NLGN4X: variants seen among roughly 807,000 people sequenced by gnomAD.
The protein encoded by NLGN4X is neuroligin 4 X-linked, also known as neuroligin-4, X-linked.
In NLGN4X, 3 loss-of-function variants were observed where a neutral mutation model predicts 40.3. The observed-to-expected ratio is 0.07, with a 90% CI of 0.03 to 0.19. NLGN4X has a LOEUF of 0.19. Among genes scored for constraint, NLGN4X ranks in the 10% least tolerant of loss-of-function variants. The probability of loss-of-function intolerance (pLI) is 1.00; values close to 1 mark genes in which losing one functional copy is unlikely to be tolerated. For missense variants in NLGN4X, 382 were observed against 708.3 expected (o/e 0.54, Z 5.23); for synonymous variants, 270 against 306.8 (o/e 0.88, Z 1.25).
intron 3 of NLGN4X, among the ~76,000 whole-genome samples, chrX:5,931,225 C>A (rs2033534547): frequency 9.0e-6 from 1 of 111,669 alleles, no homozygotes; most frequent in Admixed American, 9.6e-5. Flanking sequence ...TTCTAATATA[C>A]CCTTCATTGT....
intron 1 of NLGN4X, among the ~76,000 whole-genome samples, chrX:6,218,796 G>A (rs1378249166): frequency 1.8e-5 from 2 of 111,370 alleles, no homozygotes; most frequent in African/African-American, 3.3e-5. Flanking sequence ...CACTCTTGTG[G>A]TTAATTTGGT....
chrX:6,192,643 G>A lies in NLGN4X; in HGVS notation c.-306+35898C>T, dbSNP rs775358614. Reference sequence around the variant, plus strand: ...GGCCCAGGGGTTACAAGGAGAGCATGCAAACAGAATGAAGGGGCCTGCGTA... The same window carrying A: ...GGCCCAGGGGTTACAAGGAGAGCATACAAACAGAATGAAGGGGCCTGCGTA... On this transcript the variant is annotated intron_variant, in intron 1 of 5. Transcript: ENST00000381095. 3.4e-4 allele frequency among the ~76,000 whole-genome samples: 38 copies of A among 111,670 alleles called. 1 individual carries two copies. In the South Asian group the frequency reaches 0.014, roughly 41 times the overall value.
chrX:5,891,579 T>C lies in NLGN4X; in HGVS notation c.*1238A>G, dbSNP rs186141923. The C allele has an allele frequency of 6.9e-4, 176 of 254,800 alleles. No homozygotes were observed. Among genetic ancestry groups the C allele is most frequent in the African/African-American group, 3.9e-3 (134 of 34,117 alleles). The allele number at this position is 254,800 out of a possible 1,213,427, so 21.0% of individuals were successfully genotyped here. On this transcript the variant is annotated 3_prime_UTR_variant, in exon 6 of 6. Coordinates refer to ENST00000381095, the MANE Select transcript of NLGN4X (RefSeq NM_181332.3). Reference sequence around the variant, plus strand: ...AGAGCCGTATTTACTCCAAGGGGCATAGCCCCACCAAAGGCAAGCTTTCTT... The same window carrying C: ...AGAGCCGTATTTACTCCAAGGGGCACAGCCCCACCAAAGGCAAGCTTTCTT...
intron 1 of NLGN4X, among the ~76,000 whole-genome samples, chrX:6,172,411 G>A (rs963011659): frequency 2.7e-5 from 3 of 111,702 alleles, no homozygotes; most frequent in African/African-American, 9.8e-5. Context: ...CAGATTCCTA[G>A]AGTCTCCATA....
In NLGN4X at chrX:6,116,019, C is replaced by T. The variant is rs953489843; in HGVS notation, c.472+34976G>A. Among the ~76,000 whole-genome samples, 38 of 109,764 alleles carry T rather than the reference C, an allele frequency of 3.5e-4. 1 individual carries two copies. Among genetic ancestry groups the T allele is most frequent in the Admixed American group, 2.0e-4 (2 of 10,248 alleles). On this transcript the variant is annotated intron_variant, in intron 2 of 5. Transcript: ENST00000381095. ...TAATAAAGAACTGAATGAGGCTGGGCGCGGTGGCTCATGTCTGTAATCCCA... is the reference window on the plus strand; with the variant it reads ...TAATAAAGAACTGAATGAGGCTGGGTGCGGTGGCTCATGTCTGTAATCCCA...
At chrX:5,999,054 G>C (rs747494830) in intron 3 of NLGN4X, among the ~76,000 whole-genome samples, 1 of 111,673 alleles carries the variant, frequency 9.0e-6, no homozygotes, top group South Asian at 3.8e-4. Flanking sequence ...TTGTTGTAGA[G>C]GAAGCTTCTG....
At chrX:6,073,122 T>C (rs1167054223) in intron 2 of NLGN4X, among the ~76,000 whole-genome samples, 37 of 112,295 alleles carry the variant, frequency 3.3e-4, no homozygotes, top group Non-Finnish European at 1.9e-5. Context: ...TAAAGTGGCA[T>C]GTCTTTCATG....
At chrX:6,123,817 A>G (rs1321233186) in intron 2 of NLGN4X, among the ~76,000 whole-genome samples, 2 of 104,316 alleles carry the variant, frequency 1.9e-5, no homozygotes, top group Non-Finnish European at 3.9e-5. Flanking sequence ...AAAATTATAT[A>G]ATGGAAGTCA....
chrX:6,197,445 A>ATTTTTTTTTTTTTTT (rs1430016429), intron 1 of NLGN4X, among the ~76,000 whole-genome samples: 4 of 86,700 alleles, frequency 4.6e-5, no homozygotes, highest in Admixed American at 1.3e-4. Context: ...TTTTTTTTGT[A>ATTTTTTTTTTTTTTT]TTTTTTATAG....
intron 1 of NLGN4X, among the ~76,000 whole-genome samples, chrX:6,174,088 CAAA>C (rs199691778): frequency 9.2e-6 from 1 of 108,145 alleles, no homozygotes; most frequent in Non-Finnish European, 1.9e-5. Context: ...AAACAAAAAA[CAAA>C]AAAAAACTGT....
rs5961891 is a variant in NLGN4X at position 5,933,144 on chromosome X, G to A, written c.626-23905C>T. On this transcript the variant is annotated intron_variant, in intron 3 of 5. Transcript: ENST00000381095. The stretch of plus-strand genomic sequence containing the variant: ...CCAAGTTAAAAAAAAAGATCAAAAA[G>A]AGATTCAATCATTTTGCTAAGCAAA... Among the ~76,000 whole-genome samples the A allele has an allele frequency of 4.7e-3, 523 of 111,120 alleles. 1 individual carries two copies. The highest frequency in any genetic ancestry group is 0.042 in the Middle Eastern group (9 of 213).
chrX:6,063,300 C>T (rs1602157970), intron 2 of NLGN4X, among the ~76,000 whole-genome samples: 1 of 111,644 alleles, frequency 9.0e-6, no homozygotes, highest in East Asian at 2.8e-4. Context: ...CATAGCAAGA[C>T]CCAATCTCTA....
Position 5,893,411 on chromosome X carries a change from T to C in NLGN4X, c.1857A>G (p.Thr619=). Residue 619 remains threonine, a synonymous_variant, in exon 6 of 6, where the codon ACA becomes ACG. Coordinates refer to ENST00000381095, the MANE Select transcript of NLGN4X (RefSeq NM_181332.3). ...ATCGCCGGGTGCCATAGGGAAATGA[T>C]GTCATGTCTGGTGGAGGAACCTTTG... ...TTTKVPPPDM[T]SFPYGTRRSP... 5 of 1,210,378 alleles carry C rather than the reference T, an allele frequency of 4.1e-6. No homozygotes were observed. Among genetic ancestry groups the C allele is most frequent in the Non-Finnish European group, 3.4e-6 (3 of 895,177 alleles).
chrX:6,219,556 CT>C (rs1404052453), intron 1 of NLGN4X, among the ~76,000 whole-genome samples: 15 of 31,472 alleles, frequency 4.8e-4, no homozygotes, highest in African/African-American at 8.3e-4. Flanking sequence ...TTCTTTCTTT[CT>C]TTCTTTCTTT....
intron 2 of NLGN4X, among the ~76,000 whole-genome samples, chrX:6,104,364 T>C (rs1475891960): frequency 8.9e-6 from 1 of 112,464 alleles, no homozygotes; most frequent in East Asian, 2.8e-4. Flanking sequence ...TTATTTATGA[T>C]GAAATATGTT....
intron 3 of NLGN4X, among the ~76,000 whole-genome samples, chrX:6,011,028 G>A (rs2036238262): frequency 9.0e-6 from 1 of 111,311 alleles, no homozygotes; most frequent in Non-Finnish European, 1.9e-5. Flanking sequence ...TTAAAGAATA[G>A]TAAATGGGAC....
At position 5,890,639 on chromosome X, in the gene NLGN4X, G is replaced by A. The variant is rs889612169; in HGVS notation, c.*2178C>T. The A allele has an allele frequency of 6.1e-6, 2 of 325,632 alleles. No individual in the cohort carries two copies. The highest frequency in any genetic ancestry group is 5.3e-5 in the African/African-American group (2 of 37,536). The allele number at this position is 325,632 out of a possible 1,213,427, so 26.8% of individuals were successfully genotyped here. Reference sequence around the variant, plus strand: ...CATACATTGCTTGCAGAAATGGCCTGATCATAGCTCTATGAAACAATGAAT... The same window carrying A: ...CATACATTGCTTGCAGAAATGGCCTAATCATAGCTCTATGAAACAATGAAT... On this transcript the variant is annotated 3_prime_UTR_variant, in exon 6 of 6. Transcript: ENST00000381095.
At chrX:6,032,227 C>A (rs1310554849) in intron 2 of NLGN4X, among the ~76,000 whole-genome samples, 1 of 1,454 alleles carries the variant, frequency 6.9e-4, no homozygotes, top group African/African-American at 9.0e-4. Context: ...ATATTTCAGC[C>A]CCCCCCCCCC....
At chrX:5,949,902 G>A (rs1244612910) in intron 3 of NLGN4X, among the ~76,000 whole-genome samples, 2 of 111,696 alleles carry the variant, frequency 1.8e-5, no homozygotes, top group African/African-American at 6.5e-5. Flanking sequence ...AGTAAATGCT[G>A]AGTACAAGTA....
Sources: gnomAD v4.1 joint callset for allele counts (sites outside exome capture counted in the v4.1 genomes callset) on GRCh38, gnomAD v4.1.1 for gene constraint, MANE v1.5 for transcripts, NCBI Gene and HGNC (gene_info 2026-07-23, HGNC 2026-07-21) for gene names.